CLIP1: variants seen among roughly 807,000 people sequenced by gnomAD.
The protein encoded by CLIP1 is CAP-Gly domain-containing linker protein 1.
In CLIP1, 66 loss-of-function variants were observed where a neutral mutation model predicts 161.6. The ratio of observed to expected loss-of-function variants is 0.41; its 90% CI spans 0.33 to 0.50. The LOEUF is 0.50. Among genes scored for constraint, CLIP1 ranks in the 20% least tolerant of loss-of-function variants. CLIP1 has a pLI of 0.27. For synonymous variants in CLIP1, 598 were observed against 626.2 expected (o/e 0.96, Z 0.67); for missense variants, 1,376 against 1,702.0 (o/e 0.81, Z 3.37).
At chr12:122,339,662 G>A (rs76737662) in intron 11 of CLIP1, among the ~76,000 whole-genome samples, 3,238 of 152,238 alleles carry the variant, frequency 0.021, 109 homozygotes, top group African/African-American at 0.074. Context: ...ACTGAATTCA[G>A]TCTGTTTTTA....
chr12:122,390,277 T>C (rs1461437515), intron 1 of CLIP1, among the ~76,000 whole-genome samples: 17 of 46,646 alleles, frequency 3.6e-4, no homozygotes, highest in Admixed American at 8.6e-4. Flanking sequence ...CATATATATA[T>C]ACATATATAT....
In CLIP1 at chr12:122,272,145, T is replaced by C. The variant is rs1193072546; in HGVS notation, c.*730A>G. ...TTGTGTATGTTTTTTTCCCAAAATATAGATTTTTAAAAAATATATACATAC... is the reference window on the plus strand; with the variant it reads ...TTGTGTATGTTTTTTTCCCAAAATACAGATTTTTAAAAAATATATACATAC... On this transcript the variant is annotated 3_prime_UTR_variant, in exon 26 of 26. Coordinates refer to ENST00000620786, the MANE Select transcript of CLIP1 (RefSeq NM_001247997.2). 1.3e-5 allele frequency: 2 copies of C among 152,350 alleles called. No homozygotes were observed. Among genetic ancestry groups the C allele is most frequent in the African/African-American group, 2.4e-5 (1 of 41,450 alleles). 9.4% of individuals were successfully genotyped at this position (152,350 alleles called of 1,614,324 possible). A position where few individuals can be genotyped will look rare whatever the true frequency, so the allele number is the denominator to read the frequency against.
At chr12:122,358,064 A>G (rs1003617913) in intron 5 of CLIP1, among the ~76,000 whole-genome samples, 23 of 152,224 alleles carry the variant, frequency 1.5e-4, no homozygotes, top group Admixed American at 1.1e-3. Flanking sequence ...AGAGGTAGAC[A>G]TGGGAGACTT....
chr12:122,326,629 T>C (rs1951722311), intron 17 of CLIP1, among the ~76,000 whole-genome samples: 1 of 152,076 alleles, frequency 6.6e-6, no homozygotes, highest in African/African-American at 2.4e-5. Flanking sequence ...CAGTGAGCCA[T>C]GACTGTGCCG....
At chr12:122,358,571 AT>A (rs1381077442) in intron 5 of CLIP1, among the ~76,000 whole-genome samples, 1 of 151,898 alleles carries the variant, frequency 6.6e-6, no homozygotes, top group Admixed American at 6.6e-5. Flanking sequence ...CTTCTTAGCT[AT>A]TTTACCTTCA....
At chr12:122,363,917 G>C (rs1431247231) in intron 4 of CLIP1, 66 bp downstream of exon 4, 1 of 1,605,926 alleles carries the variant, frequency 6.2e-7, no homozygotes, top group Non-Finnish European at 8.5e-7. Context: ...TACACGCTTG[G>C]TGAGACTGGC....
At chr12:122,408,750 G>T (rs939997248) in intron 1 of CLIP1, among the ~76,000 whole-genome samples, 3 of 152,058 alleles carry the variant, frequency 2.0e-5, no homozygotes, top group Non-Finnish European at 4.4e-5. Flanking sequence ...TTAAAGGCAT[G>T]AGCCACTGTG....
At chr12:122,413,590 C>T (rs1169514263) in intron 1 of CLIP1, among the ~76,000 whole-genome samples, 6 of 152,152 alleles carry the variant, frequency 3.9e-5, no homozygotes, top group Admixed American at 2.0e-4. Flanking sequence ...TTAGAGCTTA[C>T]GCTTATAGAA....
At chr12:122,319,827 T>C (rs763705536) in intron 17 of CLIP1, among the ~76,000 whole-genome samples, 22 of 152,202 alleles carry the variant, frequency 1.4e-4, no homozygotes, top group Non-Finnish European at 2.8e-4. Context: ...CAAATAAATA[T>C]AAAAATTATT....
intron 3 of CLIP1, chr12:122,364,856 T>A: frequency 1.4e-6 from 1 of 705,112 alleles, no homozygotes; most frequent in East Asian, 2.9e-5. Flanking sequence ...ATGGAGTTGC[T>A]CCTTTGGCCA....
chr12:122,418,550 C>CA (rs1307265808), intron 1 of CLIP1, among the ~76,000 whole-genome samples: 5 of 151,866 alleles, frequency 3.3e-5, no homozygotes, highest in African/African-American at 1.2e-4. Context: ...CCTAGGAGTT[C>CA]AAGACCAGCT....
intron 3 of CLIP1, among the ~76,000 whole-genome samples, chr12:122,374,727 A>G (rs772582148): frequency 6.6e-6 from 1 of 152,078 alleles, no homozygotes; most frequent in Non-Finnish European, 1.5e-5. Context: ...GCGCCACTGC[A>G]CTCTAGCCTG....
At chr12:122,330,929 G>A (rs1330879332) in intron 15 of CLIP1, among the ~76,000 whole-genome samples, 1 of 151,844 alleles carries the variant, frequency 6.6e-6, no homozygotes, top group African/African-American at 2.4e-5. Context: ...AGCAGGAGGG[G>A]CTCTGGGACC....
intron 1 of CLIP1, among the ~76,000 whole-genome samples, chr12:122,409,980 C>T (rs889987829): frequency 3.0e-4 from 46 of 151,402 alleles, no homozygotes; most frequent in African/African-American, 1.1e-3. Context: ...ACGCCATTCT[C>T]CTGCCTCAGC....
In CLIP1 at chr12:122,362,125, TG is replaced by T. The variant is rs1389987582; in HGVS notation, c.783-945del. 2.0e-5 allele frequency among the ~76,000 whole-genome samples: 3 copies of T among 151,600 alleles called. No homozygotes were observed. In the East Asian group the frequency reaches 6.0e-4, roughly 30 times the overall value. ...CACGCCACCCTGCCTGGCTGATTTTTGTATTTTTAGTAGAGACAGGGTTTCA... is the reference window on the plus strand; with the variant it reads ...CACGCCACCCTGCCTGGCTGATTTTTTATTTTTAGTAGAGACAGGGTTTCA... On this transcript the variant is annotated intron_variant, in intron 4 of 25. Coordinates refer to ENST00000620786, the MANE Select transcript of CLIP1 (RefSeq NM_001247997.2).
chr12:122,361,637 C>T (rs551381978), intron 4 of CLIP1, among the ~76,000 whole-genome samples: 3 of 152,092 alleles, frequency 2.0e-5, no homozygotes, highest in African/African-American at 7.2e-5. Context: ...GAGGCCGAGG[C>T]GGCAGATCAC....
chr12:122,376,364 A>G (rs543659960), intron 3 of CLIP1, among the ~76,000 whole-genome samples: 1 of 151,602 alleles, frequency 6.6e-6, no homozygotes, highest in African/African-American at 2.4e-5. Flanking sequence ...CGGTTACCTT[A>G]CTATTTACAA....
chr12:122,305,504 T>C (rs1950832334), intron 20 of CLIP1, among the ~76,000 whole-genome samples: 1 of 152,252 alleles, frequency 6.6e-6, no homozygotes, highest in African/African-American at 2.4e-5. Flanking sequence ...ATTTACACTG[T>C]ATGCTTCTAC....
At chr12:122,286,133 G>C (rs1338410230) in intron 21 of CLIP1, among the ~76,000 whole-genome samples, 2 of 152,108 alleles carry the variant, frequency 1.3e-5, no homozygotes, top group Non-Finnish European at 2.9e-5. Flanking sequence ...GCAACTGCTG[G>C]ATAGGCTGTT....
Sources: allele counts gnomAD v4.1 joint callset (sites outside exome capture counted in the v4.1 genomes callset), GRCh38; gene constraint gnomAD v4.1.1; transcripts MANE v1.5; gene names NCBI Gene and HGNC (gene_info 2026-07-23, HGNC 2026-07-21).